PCDHA2: variants seen among roughly 807,000 people sequenced by gnomAD.
The protein encoded by PCDHA2 is protocadherin alpha 2, also known as protocadherin alpha-2.
PCDHA2 carries 58 observed loss-of-function variants against 66.0 expected under a neutral mutation model. That is an observed-to-expected ratio of 0.88 (90% CI 0.71 to 1.09). PCDHA2 has a LOEUF of 1.09. Among genes scored for constraint, PCDHA2 ranks in the 50% least tolerant of loss-of-function variants. The pLI, the probability that PCDHA2 is intolerant of heterozygous loss-of-function variation, is 0.00. For missense variants in PCDHA2, 1,267 were observed against 1,242.3 expected (o/e 1.02, Z -0.30); for synonymous variants, 634 against 554.0 (o/e 1.14, Z -2.03).
intron 3 of PCDHA2, among the ~76,000 whole-genome samples, chr5:140,984,412 A>G (rs1189115390): frequency 5.9e-5 from 9 of 152,184 alleles, no homozygotes; most frequent in African/African-American, 2.2e-4. Flanking sequence ...TATCTTTTTT[A>G]CAGAGATAGA....
chr5:140,901,493 G>A (rs1407022584), intron 1 of PCDHA2, among the ~76,000 whole-genome samples: 7 of 152,016 alleles, frequency 4.6e-5, no homozygotes, highest in Admixed American at 3.9e-4. Flanking sequence ...CACCTTCATC[G>A]AAAATGAGTT....
rs1767740634 is a variant in PCDHA2, at chr5:140,823,512, G to C, written c.2388+26160G>C. 5.0e-6 allele frequency: 8 copies of C among 1,613,458 alleles called. No individual in the cohort carries two copies. The African/African-American group carries it at 6.7e-5, about 13-fold the overall frequency. ...GCACCGGCGGCGCAGTGAGCGAGCTGGTGCCGAGGTCAGTGGGTGCGGGCC... is the reference window on the plus strand; with the variant it reads ...GCACCGGCGGCGCAGTGAGCGAGCTCGTGCCGAGGTCAGTGGGTGCGGGCC... On this transcript the variant is annotated intron_variant, in intron 1 of 3. Transcript: ENST00000526136.
At chr5:140,850,803 A>T in intron 1 of PCDHA2, 1 of 1,598,380 alleles carries the variant, frequency 6.3e-7, no homozygotes, top group East Asian at 2.2e-5. Flanking sequence ...GACCGACCTC[A>T]TGGCCTTCAG....
rs782447272 is a variant in PCDHA2 at position 140,797,389 on chromosome 5, G to C, written c.2388+37G>C. 33 of 1,585,344 alleles carry C rather than the reference G, an allele frequency of 2.1e-5. No homozygotes were observed. The South Asian group carries it at 3.2e-4, about 15-fold the overall frequency. On this transcript the variant is annotated intron_variant, in intron 1 of 3. Coordinates refer to ENST00000526136, the MANE Select transcript of PCDHA2 (RefSeq NM_018905.3). Reference sequence around the variant, plus strand: ...ACTTTTTCTTGCCAATTCTAAAATTGTTCTTTTTAAAAAATTCTATATGAT... The same window carrying C: ...ACTTTTTCTTGCCAATTCTAAAATTCTTCTTTTTAAAAAATTCTATATGAT...
In PCDHA2 at chr5:140,856,320, G is replaced by T. The variant is rs2043925109; in HGVS notation, c.2388+58968G>T. 1.8e-5 allele frequency: 28 copies of T among 1,598,544 alleles called. 3 individuals carry two copies. Among genetic ancestry groups the T allele is most frequent in the Non-Finnish European group, 2.4e-5 (28 of 1,168,074 alleles). ...TTGTTTGTGAATTCTCGGATTGACC[G>T]CGAGGAGCTGTGCGGGCGGAGCGTG... On this transcript the variant is annotated intron_variant, in intron 1 of 3. Coordinates refer to ENST00000526136, the MANE Select transcript of PCDHA2 (RefSeq NM_018905.3).
chr5:140,991,152 C>A (rs533894396), intron 3 of PCDHA2, among the ~76,000 whole-genome samples: 29 of 152,168 alleles, frequency 1.9e-4, no homozygotes, highest in Non-Finnish European at 3.2e-4. Flanking sequence ...TTTTGCTCAC[C>A]ATTGTATTCC....
In PCDHA2 at chr5:140,823,096, T is replaced by C. The variant is rs1554129134; in HGVS notation, c.2388+25744T>C. On this transcript the variant is annotated intron_variant, in intron 1 of 3. Transcript: ENST00000526136. Reference sequence around the variant, plus strand: ...TTCGCTGTGGGCCACCGCCAGCGTGTCTGTGGAAGTGGCCGACGTGAACGA... The same window carrying C: ...TTCGCTGTGGGCCACCGCCAGCGTGCCTGTGGAAGTGGCCGACGTGAACGA... The C allele has an allele frequency of 1.9e-6, 3 of 1,613,924 alleles. No individual in the cohort carries two copies. The East Asian group carries it at 6.7e-5, about 36-fold the overall frequency.
chr5:140,890,439 A>C lies in PCDHA2; in HGVS notation c.2389-88510A>C, dbSNP rs114755692. On this transcript the variant is annotated intron_variant, in intron 1 of 3. Coordinates refer to ENST00000526136, the MANE Select transcript of PCDHA2 (RefSeq NM_018905.3). The stretch of plus-strand genomic sequence containing the variant: ...TATTTAGTTTATATTTACAATACCT[A>C]GTGATATCTTTAGGCACAAATATTT... 7.6e-3 allele frequency among the ~76,000 whole-genome samples: 1,153 copies of C among 152,326 alleles called. 6 individuals are homozygous for C. Among genetic ancestry groups the C allele is most frequent in the Non-Finnish European group, 0.013 (886 of 68,014 alleles).
intron 1 of PCDHA2, among the ~76,000 whole-genome samples, chr5:140,977,003 T>G (rs1382476176): frequency 6.6e-6 from 1 of 152,248 alleles, no homozygotes; most frequent in Non-Finnish European, 1.5e-5. Flanking sequence ...AGAAATCTTG[T>G]AACTGTGATT....
At chr5:140,818,301 A>G (rs1251106961) in intron 1 of PCDHA2, among the ~76,000 whole-genome samples, 1 of 152,124 alleles carries the variant, frequency 6.6e-6, no homozygotes, top group Non-Finnish European at 1.5e-5. Flanking sequence ...ATTCTGACCC[A>G]TCTTTTACTT....
intron 1 of PCDHA2, among the ~76,000 whole-genome samples, chr5:140,922,137 T>A (rs1235551628): frequency 2.0e-5 from 3 of 151,994 alleles, no homozygotes; most frequent in African/African-American, 7.3e-5. Context: ...TCTCTTATCC[T>A]CCATGAAACT....
intron 1 of PCDHA2, among the ~76,000 whole-genome samples, chr5:140,949,632 T>C (rs932981591): frequency 2.6e-5 from 4 of 151,894 alleles, no homozygotes; most frequent in Non-Finnish European, 5.9e-5. Flanking sequence ...TCATGGCATA[T>C]TGCTTTTTGT....
intron 1 of PCDHA2, chr5:140,926,963 A>G (rs782460460): frequency 1.2e-6 from 2 of 1,605,984 alleles, no homozygotes; most frequent in South Asian, 2.2e-5. Context: ...CAGCTCGAGT[A>G]CTCAGTGCCG....
intron 1 of PCDHA2, among the ~76,000 whole-genome samples, chr5:140,873,132 A>G (rs2054118651): frequency 6.6e-6 from 1 of 152,212 alleles, no homozygotes; most frequent in Non-Finnish European, 1.5e-5. Flanking sequence ...CAAAGAGTCT[A>G]TGCTGAAGCC....
intron 1 of PCDHA2, chr5:140,828,229 C>T (rs2150152666): frequency 1.2e-6 from 2 of 1,613,968 alleles, no homozygotes; most frequent in Non-Finnish European, 1.7e-6. Flanking sequence ...CCTTCGTGGG[C>T]CGGATCGCGC....
chr5:140,948,403 T>A (rs2153683270), intron 1 of PCDHA2, among the ~76,000 whole-genome samples: 1 of 151,756 alleles, frequency 6.6e-6, no homozygotes, highest in Non-Finnish European at 1.5e-5. Context: ...GGTTGTGTAA[T>A]ATTGGTGTTA....
chr5:140,819,746 AAG>A (rs1283118330), intron 1 of PCDHA2, among the ~76,000 whole-genome samples: 18 of 152,094 alleles, frequency 1.2e-4, no homozygotes, highest in Non-Finnish European at 2.4e-4. Flanking sequence ...ATCAAAAGTC[AAG>A]AGTCTTGTTT....
intron 1 of PCDHA2, among the ~76,000 whole-genome samples, chr5:140,952,792 T>C (rs2094798499): frequency 6.6e-6 from 1 of 152,210 alleles, no homozygotes; most frequent in African/African-American, 2.4e-5. Flanking sequence ...GAGGTTTAAC[T>C]GGCTCGCAGT....
intron 1 of PCDHA2, chr5:140,850,222 C>T (rs1554144012): frequency 6.3e-7 from 1 of 1,593,746 alleles, no homozygotes; most frequent in East Asian, 2.2e-5. Flanking sequence ...ACTGACGGCG[C>T]AGTGAGCGAG....
Sources: gnomAD v4.1 joint callset for allele counts (sites outside exome capture counted in the v4.1 genomes callset) on GRCh38, gnomAD v4.1.1 for gene constraint, MANE v1.5 for transcripts, NCBI Gene and HGNC (gene_info 2026-07-23, HGNC 2026-07-21) for gene names.